The following PDE8B variants were observed in gnomAD, a reference collection of about 807,000 sequenced individuals.
PDE8B encodes the protein high affinity cAMP-specific and IBMX-insensitive 3',5'-cyclic phosphodiesterase 8B.
Under a neutral mutation model 101.3 loss-of-function variants are expected in PDE8B, and 26 were observed. The observed-to-expected ratio is 0.26, with a 90% CI of 0.19 to 0.36. PDE8B has a LOEUF of 0.36. Ranked by LOEUF, PDE8B falls within the 10% of genes least tolerant of loss-of-function variation. The probability of loss-of-function intolerance (pLI) is 1.00; values close to 1 mark genes in which losing one functional copy is unlikely to be tolerated. For synonymous variants in PDE8B, 424 were observed against 429.3 expected (o/e 0.99, Z 0.15); for missense variants, 810 against 1,163.1 (o/e 0.70, Z 4.42).
At chr5:77,154,829 G>A in the PDE8B span, among the ~76,000 whole-genome samples, 1 of 152,240 alleles carries the variant, frequency 6.6e-6, no homozygotes, top group Non-Finnish European at 1.5e-5. Context: ...CTATGCGACA[G>A]AAACATTCAG....
At chr5:77,223,394 C>T (rs1273085025) in intron 1 of PDE8B, among the ~76,000 whole-genome samples, 3 of 112,152 alleles carry the variant, frequency 2.7e-5, no homozygotes, top group Non-Finnish European at 5.1e-5. Context: ...CTCCCCCCAC[C>T]CATTCTTTCT....
At chr5:77,319,717 T>G (rs1185195877) in intron 2 of PDE8B, among the ~76,000 whole-genome samples, 1 of 152,150 alleles carries the variant, frequency 6.6e-6, no homozygotes, top group Non-Finnish European at 1.5e-5. Context: ...ATAGAGGAAG[T>G]GAAGCCAGCA....
intron 1 of PDE8B, among the ~76,000 whole-genome samples, chr5:77,273,262 A>G (rs1457357016): frequency 3.3e-5 from 5 of 152,190 alleles, no homozygotes; most frequent in Admixed American, 2.6e-4. Flanking sequence ...TTTTATAGTT[A>G]TTGACACTTT....
chr5:77,097,693 C>CTA, the PDE8B span, among the ~76,000 whole-genome samples: 2 of 30,218 alleles, frequency 6.6e-5, no homozygotes, highest in African/African-American at 1.0e-4. Context: ...TTTTATATAT[C>CTA]TATATATATA....
At chr5:77,390,099 T>G (rs892561434) in intron 10 of PDE8B, among the ~76,000 whole-genome samples, 3 of 152,194 alleles carry the variant, frequency 2.0e-5, no homozygotes, top group African/African-American at 7.2e-5. Context: ...AAAACTTCTT[T>G]TTAATTTTAG....
chr5:77,343,422 A>G (rs1171953254), intron 6 of PDE8B, among the ~76,000 whole-genome samples: 2 of 152,260 alleles, frequency 1.3e-5, no homozygotes, highest in Non-Finnish European at 2.9e-5. Flanking sequence ...ATGTTACTGT[A>G]CTGAATACTG....
intron 18 of PDE8B, 90 bp downstream of exon 18, chr5:77,418,536 T>A: frequency 1.1e-6 from 1 of 881,056 alleles, no homozygotes; most frequent in Non-Finnish European, 1.9e-6. Flanking sequence ...AAAGGGAAAA[T>A]ATTAGCTGTC....
At chr5:77,136,562 C>A in the PDE8B span, among the ~76,000 whole-genome samples, 2 of 152,324 alleles carry the variant, frequency 1.3e-5, no homozygotes, top group African/African-American at 4.8e-5. Context: ...GACCTCTCCT[C>A]AGCCTCCTCT....
chr5:77,100,920 A>G, the PDE8B span, among the ~76,000 whole-genome samples: 1 of 152,046 alleles, frequency 6.6e-6, no homozygotes, highest in Non-Finnish European at 1.5e-5. Flanking sequence ...AATTATAAAA[A>G]ACAGTAGTAA....
intron 1 of PDE8B, among the ~76,000 whole-genome samples, chr5:77,226,100 TA>T (rs1169895245): frequency 6.6e-6 from 1 of 152,232 alleles, no homozygotes; most frequent in African/African-American, 2.4e-5. Context: ...ACAATACAGT[TA>T]GGATTATTTA....
At chr5:77,097,178 C>T in the PDE8B span, among the ~76,000 whole-genome samples, 1 of 151,918 alleles carries the variant, frequency 6.6e-6, no homozygotes, top group African/African-American at 2.4e-5. Context: ...AGAGAGAAGG[C>T]GAAGGAGGAA....
At position 77,210,865 on chromosome 5, in the gene PDE8B, G is replaced by A. The variant is rs1289833982; in HGVS notation, c.-61G>A. On this transcript the variant is annotated 5_prime_UTR_variant, in exon 1 of 22. Coordinates refer to ENST00000264917, the MANE Select transcript of PDE8B (RefSeq NM_003719.5). This position sits in a 1 kb window ranked among gnomAD's most constrained non-coding sequence, Gnocchi z 4.9. ...CGCCCCCTCACTGCAGGTGGCAGCG[G>A]GTGCGCTGGGTCCCGGCGGCCGCGG... The A allele has an allele frequency of 8.4e-7, 1 of 1,184,954 alleles. No homozygotes were observed. The allele number at this position is 1,184,954 out of a possible 1,614,324, so 73.4% of individuals were successfully genotyped here.
chr5:77,407,574 G>C, intron 13 of PDE8B, 117 bp downstream of exon 13: 3 of 775,658 alleles, frequency 3.9e-6, no homozygotes, highest in Non-Finnish European at 6.9e-6. Flanking sequence ...GCAAATAACA[G>C]GCAAATAAAC....
chr5:77,143,629 A>G, the PDE8B span, among the ~76,000 whole-genome samples: 1 of 152,200 alleles, frequency 6.6e-6, no homozygotes, highest in Non-Finnish European at 1.5e-5. Context: ...GGAAATGTCT[A>G]CATTCATTCA....
At chr5:77,110,262 T>C in the PDE8B span, among the ~76,000 whole-genome samples, 6 of 152,082 alleles carry the variant, frequency 3.9e-5, no homozygotes, top group Admixed American at 6.6e-5. Flanking sequence ...AATTATTAAA[T>C]GGCCAGCGCT....
chr5:77,175,383 C>T, the PDE8B span, among the ~76,000 whole-genome samples: 2 of 152,362 alleles, frequency 1.3e-5, no homozygotes, highest in East Asian at 3.9e-4. Flanking sequence ...ACTCACCAAG[C>T]TTTTTCCTGC....
chr5:77,357,823 C>T (rs1782377394), intron 10 of PDE8B, among the ~76,000 whole-genome samples: 1 of 152,230 alleles, frequency 6.6e-6, no homozygotes, highest in Non-Finnish European at 1.5e-5. Context: ...TTTATCCACA[C>T]TCTACCTTCA....
At chr5:77,366,066 TTTTTTGTTTTTTG>T (rs1323306315) in intron 10 of PDE8B, among the ~76,000 whole-genome samples, 1 of 152,172 alleles carries the variant, frequency 6.6e-6, no homozygotes, top group Non-Finnish European at 1.5e-5. Flanking sequence ...GTTTTTGGGT[TTTTTTGTTTTTTG>T]TTTTTGTTTT....
chr5:77,313,994 T>C (rs1773254654), intron 2 of PDE8B, among the ~76,000 whole-genome samples: 1 of 152,220 alleles, frequency 6.6e-6, no homozygotes, highest in Admixed American at 6.5e-5. Flanking sequence ...TAATCTAAGG[T>C]TGTAAACATT....
Sources: allele counts gnomAD v4.1 joint callset (sites outside exome capture counted in the v4.1 genomes callset), GRCh38; gene constraint gnomAD v4.1.1; non-coding constraint Gnocchi (gnomAD v3.1); transcripts MANE v1.5; gene names NCBI Gene and HGNC (gene_info 2026-07-23, HGNC 2026-07-21).